ERBB4: variants seen among roughly 807,000 people sequenced by gnomAD.
ERBB4 encodes erb-b2 receptor tyrosine kinase 4.
ERBB4 carries 42 observed loss-of-function variants against 158.0 expected under a neutral mutation model. The observed-to-expected ratio is 0.27, with a 90% CI of 0.21 to 0.34. The LOEUF is 0.34. ERBB4 is among the 10% of genes least tolerant of loss of function. The pLI is 1.00. For missense variants in ERBB4, 1,333 were observed against 1,624.1 expected (o/e 0.82, Z 3.08); for synonymous variants, 583 against 558.7 (o/e 1.04, Z -0.61).
intron 19 of ERBB4, among the ~76,000 whole-genome samples, chr2:211,579,780 A>G (rs11687988): frequency 0.75 from 112,733 of 151,166 alleles, 44,367 homozygotes; most frequent in East Asian, 0.89. Context: ...GAGGAAAAAC[A>G]CACACTGGGG....
intron 2 of ERBB4, among the ~76,000 whole-genome samples, chr2:211,995,371 A>T (rs1186185347): frequency 6.6e-6 from 1 of 152,166 alleles, no homozygotes; most frequent in African/African-American, 2.4e-5. Flanking sequence ...ATTCGTTTAA[A>T]GTTTCTCAAC....
At chr2:211,437,432 C>T (rs1281006537) in intron 20 of ERBB4, among the ~76,000 whole-genome samples, 2 of 152,178 alleles carry the variant, frequency 1.3e-5, no homozygotes, top group Non-Finnish European at 2.9e-5. Flanking sequence ...CAGAGAATGA[C>T]TTAATTTTCA....
intron 20 of ERBB4, among the ~76,000 whole-genome samples, chr2:211,517,290 A>G (rs11901525): frequency 0.22 from 33,029 of 152,042 alleles, 3,758 homozygotes; most frequent in Middle Eastern, 0.28. Flanking sequence ...AGTGATAATG[A>G]TACCTTCTCA....
intron 1 of ERBB4, among the ~76,000 whole-genome samples, chr2:212,392,530 A>G (rs1182939454): frequency 6.6e-6 from 1 of 152,070 alleles, no homozygotes; most frequent in Admixed American, 6.6e-5. Flanking sequence ...AAATTCTGCT[A>G]GGTAACAAAG....
chr2:211,846,720 A>G (rs752625000), intron 3 of ERBB4, among the ~76,000 whole-genome samples: 2 of 152,120 alleles, frequency 1.3e-5, no homozygotes, highest in Non-Finnish European at 2.9e-5. Flanking sequence ...AAAAATGTCA[A>G]CAATTTGAAC....
At chr2:212,415,723 G>A (rs998272783) in intron 1 of ERBB4, among the ~76,000 whole-genome samples, 118 of 152,122 alleles carry the variant, frequency 7.8e-4, no homozygotes, top group African/African-American at 2.7e-3. Flanking sequence ...ATGAAAATGA[G>A]TGTCTAGTTA....
chr2:211,402,799 TTCAGAG>T (rs1250270281), intron 25 of ERBB4, among the ~76,000 whole-genome samples: 2 of 152,012 alleles, frequency 1.3e-5, no homozygotes. Context: ...ATATTAAACT[TTCAGAG>T]ACCACCCCAT....
chr2:211,653,068 T>C (rs1185225793), intron 16 of ERBB4, among the ~76,000 whole-genome samples: 1 of 152,192 alleles, frequency 6.6e-6, no homozygotes, highest in Non-Finnish European at 1.5e-5. Context: ...AAATAGCATG[T>C]ATGCAAGCTA....
intron 4 of ERBB4, chr2:211,777,580 T>C (rs2075913747): frequency 2.0e-5 from 3 of 152,238 alleles, no homozygotes; most frequent in Admixed American, 2.0e-4. Context: ...CCTACGAGGT[T>C]TACCCCCATT....
chr2:212,031,875 G>C (rs771706141), intron 2 of ERBB4, among the ~76,000 whole-genome samples: 2 of 152,046 alleles, frequency 1.3e-5, no homozygotes, highest in Non-Finnish European at 2.9e-5. Context: ...TGATGGCAAA[G>C]ATTATTATGG....
At chr2:212,077,910 C>A (rs1184770003) in intron 2 of ERBB4, among the ~76,000 whole-genome samples, 1 of 151,884 alleles carries the variant, frequency 6.6e-6, no homozygotes, top group Non-Finnish European at 1.5e-5. Flanking sequence ...TAGAACAAAG[C>A]CTATTATTCT....
At chr2:211,917,989 A>G (rs1247887053) in intron 3 of ERBB4, among the ~76,000 whole-genome samples, 1 of 152,190 alleles carries the variant, frequency 6.6e-6, no homozygotes, top group Non-Finnish European at 1.5e-5. Flanking sequence ...CTCTTGTGAG[A>G]ATGGAGAGAA....
chr2:211,983,122 G>C (rs1164205476), intron 2 of ERBB4, among the ~76,000 whole-genome samples: 2 of 152,186 alleles, frequency 1.3e-5, no homozygotes, highest in East Asian at 1.9e-4. Flanking sequence ...GAAATGGTTG[G>C]TTGTAAAGGT....
chr2:211,764,866 G>T (rs1362686936), intron 4 of ERBB4, among the ~76,000 whole-genome samples: 1 of 152,110 alleles, frequency 6.6e-6, no homozygotes, highest in African/African-American at 2.4e-5. Context: ...GATTTTAGGA[G>T]GACAGGAATC....
chr2:211,649,395 AT>A (rs1236525792), intron 16 of ERBB4, among the ~76,000 whole-genome samples: 2 of 151,816 alleles, frequency 1.3e-5, no homozygotes, highest in Non-Finnish European at 3.0e-5. Context: ...TAAATATAAG[AT>A]TTTGGAAAAG....
At chr2:211,670,158 T>G (rs2071783628) in intron 14 of ERBB4, among the ~76,000 whole-genome samples, 1 of 152,212 alleles carries the variant, frequency 6.6e-6, no homozygotes, top group Non-Finnish European at 1.5e-5. Context: ...GATAGATGAC[T>G]GTTATCTGGC....
intron 1 of ERBB4, among the ~76,000 whole-genome samples, chr2:212,134,795 T>C (rs1221190133): frequency 6.7e-6 from 1 of 148,652 alleles, no homozygotes; most frequent in Non-Finnish European, 1.5e-5. Flanking sequence ...GCCATTCTCC[T>C]GCCTCAGCCT....
chr2:212,227,314 A>G (rs527281368), intron 1 of ERBB4, among the ~76,000 whole-genome samples: 2 of 152,224 alleles, frequency 1.3e-5, no homozygotes, highest in South Asian at 4.2e-4. Context: ...ATGAACCTCA[A>G]CAAAGCTTCA....
intron 20 of ERBB4, among the ~76,000 whole-genome samples, chr2:211,555,608 G>A (rs905438298): frequency 1.3e-5 from 2 of 152,182 alleles, no homozygotes; most frequent in African/African-American, 4.8e-5. Context: ...AAGCCCATCA[G>A]ACTAACAGTG....
Sources: gnomAD v4.1 joint callset for allele counts (sites outside exome capture counted in the v4.1 genomes callset) on GRCh38, gnomAD v4.1.1 for gene constraint, MANE v1.5 for transcripts, NCBI Gene and HGNC (gene_info 2026-07-23, HGNC 2026-07-21) for gene names.